Variants in GRM7 observed in about 807,000 individuals in gnomAD.
GRM7 encodes glutamate metabotropic receptor 7, also known as metabotropic glutamate receptor 7.
In GRM7, 35 loss-of-function variants were observed where a neutral mutation model predicts 84.5. The observed-to-expected ratio is 0.41, with a 90% confidence interval of 0.32 to 0.55. GRM7 has a LOEUF of 0.55. Ranked by LOEUF, GRM7 falls within the 20% of genes least tolerant of loss-of-function variation. The probability of loss-of-function intolerance (pLI) is 0.19; values close to 1 mark genes in which losing one functional copy is unlikely to be tolerated. For synonymous variants in GRM7, 487 were observed against 455.1 expected (o/e 1.07, Z -0.89); for missense variants, 1,003 against 1,194.6 (o/e 0.84, Z 2.36).
intron 4 of GRM7, among the ~76,000 whole-genome samples, chr3:7,394,565 G>A (rs1695131292): frequency 1.3e-5 from 2 of 152,056 alleles, no homozygotes; most frequent in Admixed American, 1.3e-4. Context: ...AATTTTTTGA[G>A]GGTGATATAA....
chr3:7,484,636 C>T (rs1460689851), intron 7 of GRM7, among the ~76,000 whole-genome samples: 1 of 152,180 alleles, frequency 6.6e-6, no homozygotes, highest in Admixed American at 6.5e-5. Flanking sequence ...GTGCCAGGCA[C>T]AGTTCTTAGA....
intron 5 of GRM7, among the ~76,000 whole-genome samples, chr3:7,419,848 CAT>C (rs372143150): frequency 6.1e-4 from 93 of 152,248 alleles, no homozygotes; most frequent in African/African-American, 1.9e-3. Flanking sequence ...AAATTGGTGA[CAT>C]ATATTTTTTG....
chr3:7,401,851 G>C (rs1695465809), intron 4 of GRM7, among the ~76,000 whole-genome samples: 1 of 152,128 alleles, frequency 6.6e-6, no homozygotes, highest in African/African-American at 2.4e-5. Flanking sequence ...GTCAATATTA[G>C]TTATGACCCT....
intron 5 of GRM7, among the ~76,000 whole-genome samples, chr3:7,433,762 A>G (rs1696929703): frequency 6.6e-6 from 1 of 152,236 alleles, no homozygotes. Flanking sequence ...AATGTTGAAT[A>G]TCTGTAGAAG....
At chr3:7,070,347 A>G (rs542637378) in intron 1 of GRM7, among the ~76,000 whole-genome samples, 2 of 152,180 alleles carry the variant, frequency 1.3e-5, no homozygotes, top group East Asian at 1.9e-4. Context: ...CCTGCTCTCA[A>G]TGTTGTAGTC....
intron 7 of GRM7, among the ~76,000 whole-genome samples, chr3:7,557,231 T>C (rs1441505161): frequency 1.3e-5 from 2 of 152,000 alleles, no homozygotes; most frequent in African/African-American, 4.8e-5. Context: ...AGGAGAAATG[T>C]AGGTGGCTAT....
At chr3:7,675,405 T>G (rs1700083162) in intron 8 of GRM7, among the ~76,000 whole-genome samples, 1 of 152,238 alleles carries the variant, frequency 6.6e-6, no homozygotes. Flanking sequence ...GAGTTGGTTG[T>G]GAGCACTATG....
chr3:7,332,349 T>G (rs1051300914), intron 4 of GRM7, among the ~76,000 whole-genome samples: 1 of 152,150 alleles, frequency 6.6e-6, no homozygotes, highest in Non-Finnish European at 1.5e-5. Context: ...ATAGTGAGGG[T>G]TGGACTTTGG....
At chr3:7,568,650 G>T (rs76308092) in intron 7 of GRM7, among the ~76,000 whole-genome samples, 10,744 of 152,274 alleles carry the variant, frequency 0.071, 415 homozygotes, top group East Asian at 0.095. Flanking sequence ...GGGCCAGCTG[G>T]AGTTTTGGTG....
rs57925192 is a variant in GRM7 at position 7,355,910 on chromosome 3, GT to G, written c.1033+49261del. Among the ~76,000 whole-genome samples, 932 of 152,196 alleles carry G rather than the reference GT, an allele frequency of 6.1e-3. 6 individuals carry two copies. Among genetic ancestry groups the G allele is most frequent in the African/African-American group, 0.021 (878 of 41,556 alleles). On this transcript the variant is annotated intron_variant, in intron 4 of 9. Coordinates refer to ENST00000357716, the MANE Select transcript of GRM7 (RefSeq NM_000844.4). ...AGCTGACAGAGAAAGGGAAGACTCG[GT>G]TTCTTGTTTACTTGGGATGGTTCTG...
chr3:6,996,520 T>C (rs1694836344), intron 1 of GRM7, among the ~76,000 whole-genome samples: 1 of 152,194 alleles, frequency 6.6e-6, no homozygotes, highest in African/African-American at 2.4e-5. Context: ...CTGGACAATG[T>C]CATACTATTG....
rs1291693597 is a variant in GRM7, at chr3:7,188,930, T to C, written c.736+42262T>C. On this transcript the variant is annotated intron_variant, in intron 2 of 9. Transcript: ENST00000357716. This position sits in a 1 kb window ranked among gnomAD's most constrained non-coding sequence, Gnocchi z 4.2. ...TATTGTATTAAGTTTCTATTGTCAATAGCTGGATGGATGTGTGTGGACTCA... is the reference window on the plus strand; with the variant it reads ...TATTGTATTAAGTTTCTATTGTCAACAGCTGGATGGATGTGTGTGGACTCA... Among the ~76,000 whole-genome samples, 3 of 152,222 alleles carry C rather than the reference T, an allele frequency of 2.0e-5. No homozygotes were observed. The highest frequency in any genetic ancestry group is 4.4e-5 in the Non-Finnish European group (3 of 68,034).
intron 4 of GRM7, among the ~76,000 whole-genome samples, chr3:7,307,476 G>A (rs571998621): frequency 1.1e-4 from 17 of 152,234 alleles, no homozygotes; most frequent in South Asian, 4.1e-4. Flanking sequence ...CACTCAAAAA[G>A]GGATCAAATA....
At position 7,040,777 on chromosome 3, in the gene GRM7, T is replaced by C. The variant is rs186616643; in HGVS notation, c.520-105675T>C. Among the ~76,000 whole-genome samples, 201 of 152,090 alleles carry C rather than the reference T, an allele frequency of 1.3e-3. 1 individual carries two copies. The highest frequency in any genetic ancestry group is 2.0e-3 in the Non-Finnish European group (139 of 67,986). On this transcript the variant is annotated intron_variant, in intron 1 of 9. Transcript: ENST00000357716. ...CACTCCAAGTTCCTGACTCAGAATA[T>C]TCATTTTAAAAATGATGAGGTCAGG...
chr3:7,123,483 G>A (rs903929326), intron 1 of GRM7, among the ~76,000 whole-genome samples: 5 of 152,178 alleles, frequency 3.3e-5, no homozygotes, highest in African/African-American at 2.4e-5. Flanking sequence ...GATGGGTGTG[G>A]TGGCTCGCGC....
chr3:7,417,287 G>A (rs560431885), intron 5 of GRM7, among the ~76,000 whole-genome samples: 57 of 152,094 alleles, frequency 3.7e-4, no homozygotes, highest in African/African-American at 1.2e-3. Context: ...GTGATGAGCT[G>A]TACCATATGG....
At chr3:7,679,726 A>G (rs763318120) in intron 8 of GRM7, among the ~76,000 whole-genome samples, 4 of 152,206 alleles carry the variant, frequency 2.6e-5, no homozygotes, top group Non-Finnish European at 5.9e-5. Flanking sequence ...ACAGATTTCT[A>G]TGGTCTTCAT....
chr3:7,283,496 T>C (rs1283183243), intron 2 of GRM7, among the ~76,000 whole-genome samples: 1 of 152,098 alleles, frequency 6.6e-6, no homozygotes, highest in African/African-American at 2.4e-5. Context: ...CATGGGAATG[T>C]TGATTTAATG....
At chr3:7,642,774 C>T (rs1024348671) in intron 8 of GRM7, among the ~76,000 whole-genome samples, 2 of 152,114 alleles carry the variant, frequency 1.3e-5, no homozygotes, top group Non-Finnish European at 2.9e-5. Flanking sequence ...ATGCAAATTA[C>T]AAGGTAGACA....
Sources: allele counts gnomAD v4.1 joint callset (sites outside exome capture counted in the v4.1 genomes callset), GRCh38; gene constraint gnomAD v4.1.1; non-coding constraint Gnocchi (gnomAD v3.1); transcripts MANE v1.5; gene names NCBI Gene and HGNC (gene_info 2026-07-23, HGNC 2026-07-21).